Variants in TMEM260 observed in about 807,000 individuals in gnomAD.
TMEM260 encodes transmembrane protein 260.
In TMEM260, 82 loss-of-function variants were observed where a neutral mutation model predicts 88.9. That is an observed-to-expected ratio of 0.92 (90% CI 0.77 to 1.11). TMEM260 has a LOEUF of 1.11. Ranked by LOEUF, TMEM260 falls within the 50% of genes least tolerant of loss-of-function variation. The probability of loss-of-function intolerance (pLI) is 0.00; values close to 1 mark genes in which losing one functional copy is unlikely to be tolerated. For missense variants in TMEM260, 902 were observed against 853.4 expected (o/e 1.06, Z -0.71); for synonymous variants, 314 against 309.3 (o/e 1.02, Z -0.16).
chr14:56,635,771 T>C (rs17091860), intron 14 of TMEM260, among the ~76,000 whole-genome samples: 6,095 of 152,152 alleles, frequency 0.04, 411 homozygotes, highest in African/African-American at 0.14. Flanking sequence ...AGTTATGATA[T>C]AAAGAGCTTA....
chr14:56,579,607 T>C (rs768914043), upstream of TMEM260: 4 of 303,580 alleles, frequency 1.3e-5, no homozygotes, highest in African/African-American at 2.2e-5. Flanking sequence ...AAGGTAGGCC[T>C]GTGGCCGGGC....
At position 56,648,679 on chromosome 14, in the gene TMEM260, G is replaced by C. The variant is rs979577923; in HGVS notation, c.*1182G>C. On this transcript the variant is annotated 3_prime_UTR_variant, in exon 16 of 16. Coordinates refer to ENST00000261556, the MANE Select transcript of TMEM260 (RefSeq NM_017799.4). The stretch of plus-strand genomic sequence containing the variant: ...AAAAGGGTCTGATCAAAGGTCTCCT[G>C]TGGAGCTTGCATGGTTCCCTTTCAT... 6 of 152,660 alleles carry C rather than the reference G, an allele frequency of 3.9e-5. No homozygotes were observed. The highest frequency in any genetic ancestry group is 1.4e-4 in the African/African-American group (6 of 41,446). 9.5% of individuals were successfully genotyped at this position (152,660 alleles called of 1,614,324 possible).
Position 56,616,021 on chromosome 14 carries a change from C to T in TMEM260, c.935C>T (p.Ala312Val). The change falls in exon 8 of 16, where the codon GCA becomes GTA. Residue 312 changes from alanine (A) to valine (V), a missense_variant. Coordinates refer to ENST00000261556, the MANE Select transcript of TMEM260 (RefSeq NM_017799.4). ...ALAVCANICL[A>V]TKDRQNPSLV... ...GCAGTTTGTGCAAATATATGTTTAGCAACAAAGTAAGTAATACAATTCCTT... is the reference window on the plus strand; with the variant it reads ...GCAGTTTGTGCAAATATATGTTTAGTAACAAAGTAAGTAATACAATTCCTT... The T allele has an allele frequency of 2.5e-6, 4 of 1,605,278 alleles. No homozygotes were observed. Among genetic ancestry groups the T allele is most frequent in the Non-Finnish European group, 2.6e-6 (3 of 1,172,436 alleles).
intron 10 of TMEM260, among the ~76,000 whole-genome samples, chr14:56,620,408 C>T (rs538424304): frequency 6.2e-4 from 94 of 152,302 alleles, no homozygotes; most frequent in African/African-American, 2.1e-3. Flanking sequence ...ACAACATCAT[C>T]GCTAGCTCAA....
chr14:56,618,503 G>A (rs921020661), intron 9 of TMEM260, 91 bp from the exon 10 acceptor site: 3 of 1,188,168 alleles, frequency 2.5e-6, no homozygotes, highest in African/African-American at 1.5e-5. Flanking sequence ...ACACAACTAG[G>A]TGCATGCAGC....
the TMEM260 span, among the ~76,000 whole-genome samples, chr14:56,658,927 T>C: frequency 0.022 from 3,341 of 151,874 alleles, 77 homozygotes; most frequent in East Asian, 0.058. Flanking sequence ...ACAGGGTTTC[T>C]CCATGTTGGC....
At chr14:56,650,267 A>G (rs1890179162), downstream of TMEM260, 1 of 334,004 alleles carries the variant, frequency 3.0e-6, no homozygotes, top group South Asian at 2.4e-5. Context: ...CTGAAGAGCC[A>G]GTGGGAGCCA....
chr14:56,627,672 A>G (rs936338638), intron 12 of TMEM260, among the ~76,000 whole-genome samples: 2 of 152,220 alleles, frequency 1.3e-5, no homozygotes, highest in Non-Finnish European at 2.9e-5. Context: ...CCCCAAAGGG[A>G]TGGACCATCA....
intron 15 of TMEM260, among the ~76,000 whole-genome samples, chr14:56,646,053 C>T (rs886481851): frequency 2.0e-5 from 3 of 152,172 alleles, no homozygotes; most frequent in Admixed American, 2.0e-4. Flanking sequence ...CCTCGGCCTC[C>T]CAAAGTGCTG....
At chr14:56,612,557 T>A (rs972531610) in intron 7 of TMEM260, 2 of 427,596 alleles carry the variant, frequency 4.7e-6, no homozygotes, top group Non-Finnish European at 8.4e-6. Context: ...TTACATCCTC[T>A]TGTATACTTT....
rs534839181 is a variant in TMEM260, at chr14:56,646,358, G to C, written c.1870-885G>C. Among the ~76,000 whole-genome samples the C allele has an allele frequency of 5.9e-5, 9 of 152,272 alleles. No homozygotes were observed. In the South Asian group the frequency reaches 1.5e-3, roughly 25 times the overall value. ...CTTGTCCCTTGGAGAAAGCACTATT[G>C]TTTTTCTGTGCACTCAGAAAGTCTA... On this transcript the variant is annotated intron_variant, in intron 15 of 15. Coordinates refer to ENST00000261556, the MANE Select transcript of TMEM260 (RefSeq NM_017799.4).
rs1465604052 is a variant in TMEM260 at position 56,613,910 on chromosome 14, A to AAAAAAAAAAAAAAAAAT, written c.857+1625_857+1626insAAAAAAAAAAAAAAAAT. Reference sequence around the variant, plus strand: ...CCCGTCTCTGCAAAAAAAAAAAAAAATTTTTTTTTTGAGATGGCGTCTTGC... The same window carrying AAAAAAAAAAAAAAAAAT: ...CCCGTCTCTGCAAAAAAAAAAAAAAAAAAAAAAAAAAAAAAATTTTTTTTTTTGAGATGGCGTCTTGC... On this transcript the variant is annotated intron_variant, in intron 7 of 15. Coordinates refer to ENST00000261556, the MANE Select transcript of TMEM260 (RefSeq NM_017799.4). The AAAAAAAAAAAAAAAAAT allele has an allele frequency of 4.8e-5, 7 of 144,432 alleles. No homozygotes were observed. The South Asian group carries it at 9.3e-4, about 19-fold the overall frequency. The allele number at this position is 144,432 out of a possible 1,614,324, so 8.9% of individuals were successfully genotyped here. A position where few individuals can be genotyped will look rare whatever the true frequency, so the allele number is the denominator to read the frequency against.
chr14:56,662,705 A>G, the TMEM260 span, among the ~76,000 whole-genome samples: 1 of 152,238 alleles, frequency 6.6e-6, no homozygotes, highest in Non-Finnish European at 1.5e-5. Flanking sequence ...TCTCACTGCC[A>G]CCTTCTGAAT....
chr14:56,634,945 C>A lies in TMEM260; in HGVS notation c.1771C>A (p.Gln591Lys). 2 of 1,613,734 alleles carry A rather than the reference C, an allele frequency of 1.2e-6. No individual in the cohort carries two copies. Among genetic ancestry groups the A allele is most frequent in the Non-Finnish European group, 1.7e-6 (2 of 1,179,866 alleles). Residue 591 changes from glutamine (Q) to lysine (K), a missense_variant, in exon 14 of 16, where the codon CAA (glutamine) becomes AAA (lysine). Transcript: ENST00000261556. ...ATCTGTGGCCAATGAAGAAATGTGG[C>A]AAGCGAGGTGACTATTCTACATTTT... is the stretch of plus-strand genomic sequence containing the variant. ...WESVANEEMW[Q>K]ARMKTPFFIF... is the part of the protein sequence containing the mutation.
intron 12 of TMEM260, among the ~76,000 whole-genome samples, chr14:56,628,292 A>G (rs957761523): frequency 1.3e-5 from 2 of 152,106 alleles, no homozygotes; most frequent in African/African-American, 4.8e-5. Flanking sequence ...TGAGTTTTGA[A>G]AGTTCTGTTT....
chr14:56,632,734 C>T (rs1043682985), intron 12 of TMEM260, among the ~76,000 whole-genome samples: 1 of 152,130 alleles, frequency 6.6e-6, no homozygotes, highest in Non-Finnish European at 1.5e-5. Flanking sequence ...AAGTGTGAAC[C>T]ACCATGTCCA....
At position 56,618,761 on chromosome 14, in the gene TMEM260, C is replaced by T. The variant is rs149868833; in HGVS notation, c.1224C>T (p.Tyr408=). 1.1e-5 allele frequency: 17 copies of T among 1,613,150 alleles called. No homozygotes were observed. The highest frequency in any genetic ancestry group is 8.0e-5 in the African/African-American group (6 of 74,842). Residue 408 remains tyrosine, a splice_region_variant and synonymous_variant, in exon 10 of 16, where the codon TAC becomes TAT. Coordinates refer to ENST00000261556, the MANE Select transcript of TMEM260 (RefSeq NM_017799.4). ...TAGTTTACCAAATATATTCTAATTACAGGTAATACATGGTTATTTTTATGA... is the reference window on the plus strand; with the variant it reads ...TAGTTTACCAAATATATTCTAATTATAGGTAATACATGGTTATTTTTATGA... ...LFVVYQIYSN[Y]SVCDQRTNYV...
chr14:56,580,090 G>C lies in TMEM260; in HGVS notation c.160+16G>C. 8.0e-7 allele frequency: 1 copy of C among 1,250,064 alleles called. No individual in the cohort carries two copies. Among genetic ancestry groups the C allele is most frequent in the Non-Finnish European group, 1.0e-6 (1 of 989,364 alleles). The allele number at this position is 1,250,064 out of a possible 1,614,324, so 77.4% of individuals were successfully genotyped here. ...GGAGACTCCGGTAAAGTACTCGCAG[G>C]GTTGCCCCTTCTGTCCCTCTCCCCT... On this transcript the variant is annotated intron_variant, in intron 1 of 15. Coordinates refer to ENST00000261556, the MANE Select transcript of TMEM260 (RefSeq NM_017799.4).
At chr14:56,599,314 T>A (rs1233388988) in intron 3 of TMEM260, among the ~76,000 whole-genome samples, 5 of 152,104 alleles carry the variant, frequency 3.3e-5, no homozygotes, top group African/African-American at 1.2e-4. Context: ...AAAATAATAT[T>A]TTATTTTATT....
Sources: gnomAD v4.1 joint callset for allele counts (sites outside exome capture counted in the v4.1 genomes callset) on GRCh38, gnomAD v4.1.1 for gene constraint, MANE v1.5 for transcripts, NCBI Gene and HGNC (gene_info 2026-07-23, HGNC 2026-07-21) for gene names.